Variants in RBPJ observed in about 807,000 individuals in gnomAD.
RBPJ encodes recombination signal binding protein for immunoglobulin kappa J region.
Under a neutral mutation model 67.8 loss-of-function variants are expected in RBPJ, and 9 were observed. The ratio of observed to expected loss-of-function variants is 0.13; its 90% CI spans 0.08 to 0.23. RBPJ has a LOEUF of 0.23. Among genes scored for constraint, RBPJ ranks in the 10% least tolerant of loss-of-function variants. The pLI is 1.00. For missense variants in RBPJ, 305 were observed against 595.6 expected (o/e 0.51, Z 5.08); for synonymous variants, 198 against 203.3 (o/e 0.97, Z 0.22).
At chr4:26,106,262 G>A in the RBPJ span, among the ~76,000 whole-genome samples, 2 of 152,214 alleles carry the variant, frequency 1.3e-5, no homozygotes, top group African/African-American at 4.8e-5. Context: ...TCTTGCAATA[G>A]AGTTCTAGAT....
rs566162552 is a variant in RBPJ at position 26,374,044 on chromosome 4, G to A, written c.21-12309G>A. ...AGCGTTTCTCCTGCCTCAGCCTACT[G>A]AGTAGCTGGGCTTACAGGTGCCCGC... is the stretch of plus-strand genomic sequence containing the variant. On this transcript the variant is annotated intron_variant, in intron 1 of 10. Transcript: ENST00000355476. Among the ~76,000 whole-genome samples the A allele has an allele frequency of 2.7e-5, 4 of 150,426 alleles. No individual in the cohort carries two copies. The East Asian group carries it at 7.9e-4, about 30-fold the overall frequency.
chr4:26,411,951 C>G (rs191907975), intron 3 of RBPJ, among the ~76,000 whole-genome samples: 2,638 of 120,850 alleles, frequency 0.022, 78 homozygotes, highest in African/African-American at 0.075. Context: ...ACTAAAAATA[C>G]AAAAAAAAAA....
rs935576470 is a variant in RBPJ at position 26,355,784 on chromosome 4, A to C, written c.21-30569A>C. ...GTGCCCCACTGGGGACTGCAGGTAC[A>C]CTCACACAAACTGTAAGGAAGAACA... On this transcript the variant is annotated intron_variant, in intron 1 of 10. Transcript: ENST00000355476. 3.9e-5 allele frequency among the ~76,000 whole-genome samples: 6 copies of C among 152,294 alleles called. No individual in the cohort carries two copies. In the Middle Eastern group the frequency reaches 0.014, roughly 345 times the overall value.
chr4:26,377,625 T>G (rs1729886194), intron 1 of RBPJ, among the ~76,000 whole-genome samples: 1 of 152,242 alleles, frequency 6.6e-6, no homozygotes, highest in Admixed American at 6.5e-5. Context: ...TTTCTCTTTG[T>G]GGAAAACCCT....
At chr4:26,355,709 C>G (rs1214986687) in intron 1 of RBPJ, among the ~76,000 whole-genome samples, 1 of 152,164 alleles carries the variant, frequency 6.6e-6, no homozygotes, top group Non-Finnish European at 1.5e-5. Flanking sequence ...ACTTTGAACA[C>G]CTTGAGTTAT....
At chr4:26,384,098 T>C (rs536779464) in intron 1 of RBPJ, 2 of 152,176 alleles carry the variant, frequency 1.3e-5, no homozygotes, top group Non-Finnish European at 2.9e-5. Flanking sequence ...TCCACCCACC[T>C]TGGGCTCCCA....
the RBPJ span, among the ~76,000 whole-genome samples, chr4:26,119,643 C>T: frequency 6.6e-6 from 1 of 152,208 alleles, no homozygotes; most frequent in Non-Finnish European, 1.5e-5. Flanking sequence ...TTGGTTCACC[C>T]ATGATGTTTT....
At chr4:26,191,202 TATATATATAGAGAGAGAGAGAG>T (rs1426554116) in intron 1 of RBPJ, among the ~76,000 whole-genome samples, 3 of 32,174 alleles carry the variant, frequency 9.3e-5, no homozygotes, top group African/African-American at 2.2e-4. Flanking sequence ...TATATATATA[TATATATATAGAGAGAGAGAGAG>T]AGAGAGAGAG....
intron 1 of RBPJ, among the ~76,000 whole-genome samples, chr4:26,258,682 C>T (rs1400765898): frequency 6.6e-6 from 1 of 152,200 alleles, no homozygotes; most frequent in Non-Finnish European, 1.5e-5. Context: ...TAATACTAGT[C>T]GTTTAGTCCA....
chr4:26,250,418 T>C (rs1170514205), intron 1 of RBPJ, among the ~76,000 whole-genome samples: 5 of 149,338 alleles, frequency 3.3e-5, no homozygotes, highest in Admixed American at 6.7e-5. Flanking sequence ...TGTAACCTCC[T>C]TCTCCTAGAT....
intron 1 of RBPJ, among the ~76,000 whole-genome samples, chr4:26,230,743 AT>A (rs1047425028): frequency 6.6e-6 from 1 of 151,788 alleles, no homozygotes; most frequent in South Asian, 2.1e-4. Context: ...GTTCTCTTCT[AT>A]TTTTTTTCAA....
At chr4:26,295,169 A>C (rs78948792) in intron 1 of RBPJ, among the ~76,000 whole-genome samples, 7,353 of 152,074 alleles carry the variant, frequency 0.048, 611 homozygotes, top group African/African-American at 0.17. Flanking sequence ...CTAGGCTTAC[A>C]TTTCCTCCAA....
chr4:26,226,189 G>T (rs947356324), intron 1 of RBPJ, among the ~76,000 whole-genome samples: 13 of 151,760 alleles, frequency 8.6e-5, no homozygotes, highest in Non-Finnish European at 1.3e-4. Flanking sequence ...TTCTGACTGG[G>T]TATGGTGTTT....
At chr4:26,344,702 G>C (rs578145006) in intron 1 of RBPJ, among the ~76,000 whole-genome samples, 1 of 152,054 alleles carries the variant, frequency 6.6e-6, no homozygotes, top group Non-Finnish European at 1.5e-5. Context: ...AAAAAGGAAG[G>C]GTGGAATAGC....
At chr4:26,359,125 A>G (rs1237942558) in intron 1 of RBPJ, among the ~76,000 whole-genome samples, 1 of 152,188 alleles carries the variant, frequency 6.6e-6, no homozygotes, top group Admixed American at 6.5e-5. Context: ...TACACATCTG[A>G]AAATTTTTCT....
At chr4:26,142,541 C>T in the RBPJ span, among the ~76,000 whole-genome samples, 13 of 152,274 alleles carry the variant, frequency 8.5e-5, no homozygotes, top group Admixed American at 3.9e-4. Flanking sequence ...CTGGCTCTAT[C>T]GTGAAGGAAT....
At chr4:26,293,272 C>A (rs569321234) in intron 1 of RBPJ, among the ~76,000 whole-genome samples, 1 of 150,494 alleles carries the variant, frequency 6.6e-6, no homozygotes, top group South Asian at 2.1e-4. Flanking sequence ...TACCACTCAC[C>A]CCATCTCTTG....
At chr4:26,193,136 T>G (rs1717627845) in intron 1 of RBPJ, among the ~76,000 whole-genome samples, 2 of 152,206 alleles carry the variant, frequency 1.3e-5, no homozygotes, top group African/African-American at 4.8e-5. Context: ...TTAGCTCCAT[T>G]AAGATCCATG....
chr4:26,185,132 A>C (rs1351558846), intron 1 of RBPJ, among the ~76,000 whole-genome samples: 1 of 141,534 alleles, frequency 7.1e-6, no homozygotes, highest in Non-Finnish European at 1.5e-5. Context: ...ATAGAGTGAG[A>C]CTCTGTCTAA....
Sources: gnomAD v4.1 joint callset for allele counts (sites outside exome capture counted in the v4.1 genomes callset) on GRCh38, gnomAD v4.1.1 for gene constraint, MANE v1.5 for transcripts, NCBI Gene and HGNC (gene_info 2026-07-23, HGNC 2026-07-21) for gene names.